Variants in ST8SIA5 observed in about 807,000 individuals in gnomAD.
ST8SIA5 encodes alpha-2,8-sialyltransferase 8E.
In ST8SIA5, 24 loss-of-function variants were observed where a neutral mutation model predicts 40.2. The ratio of observed to expected loss-of-function variants is 0.60; its 90% CI spans 0.43 to 0.84. The LOEUF (loss-of-function observed/expected upper bound fraction) is 0.84, where lower values mean the gene tolerates loss of function less well. Ranked by LOEUF, ST8SIA5 falls within the 40% of genes least tolerant of loss-of-function variation. ST8SIA5 has a pLI of 0.00. For missense variants in ST8SIA5, 465 were observed against 498.5 expected (o/e 0.93, Z 0.64); for synonymous variants, 198 against 201.8 (o/e 0.98, Z 0.16).
Position 46,756,771 on chromosome 18 carries a change from C to A in ST8SIA5, c.-263G>T, listed in dbSNP as rs1164961598. The A allele has an allele frequency of 1.9e-5, 8 of 411,994 alleles. No individual in the cohort carries two copies. The highest frequency in any genetic ancestry group is 3.4e-5 in the Non-Finnish European group (8 of 234,554). The allele number at this position is 411,994 out of a possible 1,614,324, so 25.5% of individuals were successfully genotyped here. ...AGGGGCCTTCCCCACCCCCGGGTAC[C>A]TTTACCTCCAGGCGCCGGTGCCGGG... On this transcript the variant is annotated 5_prime_UTR_variant, in exon 1 of 7. The change creates a new upstream start codon in the 5' untranslated region. Coordinates refer to ENST00000315087, the MANE Select transcript of ST8SIA5 (RefSeq NM_013305.6).
At position 46,756,382 on chromosome 18, in the gene ST8SIA5, T is replaced by C. The variant is rs770076898; in HGVS notation, c.127A>G (p.Lys43Glu). ...QQILYGRNYI[K>E]RYFEFYEGPF... is the part of the protein sequence containing the mutation. ...CCTCTCAATGGACTTTCTTACCTCT[T>C]AATGTAGTTCCTGCCATACAGGATC... Residue 43 changes from lysine (K) to glutamate (E), a missense_variant, in exon 1 of 7, where the codon AAG becomes GAG. Physicochemically the swap from Lys to Glu is moderately conservative, Grantham distance 56 (BLOSUM62 1). Transcript: ENST00000315087. 4 of 1,611,898 alleles carry C rather than the reference T, an allele frequency of 2.5e-6. No homozygotes were observed. Among genetic ancestry groups the C allele is most frequent in the Non-Finnish European group, 3.4e-6 (4 of 1,178,690 alleles).
chr18:46,684,442 A>G (rs1905901002), intron 5 of ST8SIA5, among the ~76,000 whole-genome samples: 1 of 152,210 alleles, frequency 6.6e-6, no homozygotes, highest in African/African-American at 2.4e-5. Context: ...TTTTAAACAT[A>G]TTAATTCATT....
intron 1 of ST8SIA5, among the ~76,000 whole-genome samples, chr18:46,754,824 G>T (rs2040226412): frequency 1.3e-5 from 2 of 152,250 alleles, no homozygotes; most frequent in South Asian, 4.1e-4. Context: ...GGTGCCGGGA[G>T]GGGGCAGGAA....
chr18:46,689,394 G>A (rs1255286689), intron 3 of ST8SIA5, among the ~76,000 whole-genome samples: 5 of 152,082 alleles, frequency 3.3e-5, no homozygotes, highest in Non-Finnish European at 7.4e-5. Flanking sequence ...TTGGGCTGCC[G>A]TCCTGGTGTC....
chr18:46,738,775 G>GTC (rs772897407), intron 1 of ST8SIA5, among the ~76,000 whole-genome samples: 11 of 152,100 alleles, frequency 7.2e-5, no homozygotes, highest in Non-Finnish European at 8.8e-5. Flanking sequence ...AGAAGGCTTT[G>GTC]TCCCCTGGGT....
chr18:46,733,380 C>T (rs1232798470), intron 1 of ST8SIA5, among the ~76,000 whole-genome samples: 7 of 152,164 alleles, frequency 4.6e-5, no homozygotes, highest in Non-Finnish European at 1.0e-4. Flanking sequence ...ATTCTATTTT[C>T]ATCTTGTTAT....
chr18:46,716,086 GGATAGATAGATAGATAGATAGATA>G (rs61514320), intron 1 of ST8SIA5, among the ~76,000 whole-genome samples: 7 of 139,776 alleles, frequency 5.0e-5, no homozygotes, highest in South Asian at 2.6e-4. Flanking sequence ...GAGTCACACA[GGATAGATAGATAGATAGATAGATA>G]GATAGATAGA....
chr18:46,743,221 T>C (rs752096963), intron 1 of ST8SIA5, among the ~76,000 whole-genome samples: 3 of 152,166 alleles, frequency 2.0e-5, no homozygotes, highest in Non-Finnish European at 4.4e-5. Context: ...CTTTGATGAG[T>C]TGACAGAAGA....
rs142323448 is a variant in ST8SIA5 at position 46,690,258 on chromosome 18, G to A, written c.312-1339C>T. On this transcript the variant is annotated intron_variant, in intron 3 of 6. Transcript: ENST00000315087. Reference sequence around the variant, plus strand: ...AGGCCTGTTACAGGATTCATTTCCTGTAATTCGAAAGCTCATGCCTGCCTT... The same window carrying A: ...AGGCCTGTTACAGGATTCATTTCCTATAATTCGAAAGCTCATGCCTGCCTT... 2.7e-3 allele frequency among the ~76,000 whole-genome samples: 412 copies of A among 152,290 alleles called. 3 individuals are homozygous for A. The highest frequency in any genetic ancestry group is 9.4e-3 in the African/African-American group (389 of 41,560).
chr18:46,707,525 T>C (rs2039681669), intron 1 of ST8SIA5, among the ~76,000 whole-genome samples: 1 of 152,206 alleles, frequency 6.6e-6, no homozygotes, highest in South Asian at 2.1e-4. Context: ...ACATCACTCA[T>C]ATACCCAACT....
At position 46,679,943 on chromosome 18, in the gene ST8SIA5, C is replaced by T; in HGVS notation, c.*99G>A. ...ACAATGGAGGGAGAGACAGCCTGAA[C>T]GCCAGGACCCCACGCTGCCCGGTTC... On this transcript the variant is annotated 3_prime_UTR_variant, in exon 7 of 7. Transcript: ENST00000315087. 8.6e-7 allele frequency: 1 copy of T among 1,164,292 alleles called. No homozygotes were observed. Among genetic ancestry groups the T allele is most frequent in the Non-Finnish European group, 1.2e-6 (1 of 839,012 alleles). 72.1% of individuals were successfully genotyped at this position (1,164,292 alleles called of 1,614,324 possible).
intron 1 of ST8SIA5, among the ~76,000 whole-genome samples, chr18:46,718,421 A>G (rs1480222519): frequency 6.6e-6 from 1 of 152,098 alleles, no homozygotes; most frequent in Non-Finnish European, 1.5e-5. Flanking sequence ...TCATAGACCT[A>G]GACTTGAAAT....
chr18:46,749,577 G>C (rs2040176003), intron 1 of ST8SIA5, among the ~76,000 whole-genome samples: 1 of 152,150 alleles, frequency 6.6e-6, no homozygotes, highest in Non-Finnish European at 1.5e-5. Flanking sequence ...TTATCAGTAT[G>C]TGCATAATCA....
chr18:46,711,200 C>G (rs2039729050), intron 1 of ST8SIA5, among the ~76,000 whole-genome samples: 1 of 152,164 alleles, frequency 6.6e-6, no homozygotes, highest in South Asian at 2.1e-4. Flanking sequence ...TGAGAGTAAG[C>G]TGTACTTCAG....
rs773908092 is a variant in ST8SIA5, at chr18:46,680,136, C to T, written c.1037G>A (p.Gly346Asp). 6.2e-7 allele frequency: 1 copy of T among 1,614,204 alleles called. No homozygotes were observed. Among genetic ancestry groups the T allele is most frequent in the East Asian group, 2.2e-5 (1 of 44,868 alleles). ...HYYDNVKPRP[G>D]FHAMPSEIFN... ...GATCTCAGAGGGCATGGCGTGGAAGCCGGGACGCGGCTTGACGTTGTCATA... is the reference window on the plus strand; with the variant it reads ...GATCTCAGAGGGCATGGCGTGGAAGTCGGGACGCGGCTTGACGTTGTCATA... The change falls in exon 7 of 7, where the codon GGC becomes GAC. Residue 346 changes from glycine (G) to aspartate (D), a missense_variant. Gly to Asp is a moderately conservative substitution (Grantham distance 94). Coordinates refer to ENST00000315087, the MANE Select transcript of ST8SIA5 (RefSeq NM_013305.6).
At chr18:46,725,301 G>C (rs2039905721) in intron 1 of ST8SIA5, among the ~76,000 whole-genome samples, 1 of 152,062 alleles carries the variant, frequency 6.6e-6, no homozygotes, top group Non-Finnish European at 1.5e-5. Flanking sequence ...TCAAATCAAT[G>C]TCCAGCCCAG....
chr18:46,739,076 T>G (rs1368093601), intron 1 of ST8SIA5, among the ~76,000 whole-genome samples: 2 of 152,268 alleles, frequency 1.3e-5, no homozygotes, highest in East Asian at 3.9e-4. Context: ...CTGAGCAGGA[T>G]GTGCTAAGTA....
intron 5 of ST8SIA5, chr18:46,685,937 T>C (rs619376): frequency 0.1 from 56,005 of 538,550 alleles, 3,921 homozygotes; most frequent in East Asian, 0.3. Context: ...ATCTGTGATG[T>C]CCTTTGCTCT....
intron 1 of ST8SIA5, among the ~76,000 whole-genome samples, chr18:46,754,819 C>T (rs1273394126): frequency 1.3e-5 from 2 of 152,162 alleles, no homozygotes; most frequent in African/African-American, 2.4e-5. Flanking sequence ...GGGGAGGTGC[C>T]GGGAGGGGGC....
Sources: gnomAD v4.1 joint callset for allele counts (sites outside exome capture counted in the v4.1 genomes callset) on GRCh38, gnomAD v4.1.1 for gene constraint, MANE v1.5 for transcripts, NCBI Gene and HGNC (gene_info 2026-07-23, HGNC 2026-07-21) for gene names.